Variants in PTPRN2 observed in about 807,000 individuals in gnomAD.
The protein encoded by PTPRN2 is protein tyrosine phosphatase receptor type N2.
In PTPRN2, 74 loss-of-function variants were observed where a neutral mutation model predicts 118.8. The observed-to-expected ratio is 0.62, with a 90% CI of 0.52 to 0.76. The LOEUF (loss-of-function observed/expected upper bound fraction) is 0.76. Among genes scored for constraint, PTPRN2 ranks in the 30% least tolerant of loss-of-function variants. The pLI, the probability that PTPRN2 is intolerant of heterozygous loss-of-function variation, is 0.00. For synonymous variants in PTPRN2, 641 were observed against 608.0 expected (o/e 1.05, Z -0.80); for missense variants, 1,481 against 1,394.4 (o/e 1.06, Z -0.99).
chr7:158,413,079 C>A (rs995548806), intron 2 of PTPRN2, among the ~76,000 whole-genome samples: 1 of 150,770 alleles, frequency 6.6e-6, no homozygotes, highest in Non-Finnish European at 1.5e-5. Context: ...CCCGTCTCAG[C>A]GCCCTCCTCA....
At chr7:158,249,128 ACAC>A (rs569521739) in intron 3 of PTPRN2, among the ~76,000 whole-genome samples, 297 of 151,868 alleles carry the variant, frequency 2.0e-3, no homozygotes, top group Admixed American at 3.1e-3. Flanking sequence ...CATGCCACAC[ACAC>A]CACACGTGAA....
rs1394948849 is a variant in PTPRN2, at chr7:158,509,606, A to G, written c.113-19821T>C. Among the ~76,000 whole-genome samples the G allele has an allele frequency of 6.6e-6, 1 of 152,222 alleles. No individual in the cohort carries two copies. The highest frequency in any genetic ancestry group is 2.4e-5 in the African/African-American group (1 of 41,456). ...CAGATGCGTAGTCACCCCAAAGCCC[A>G]TCTGCTTTGTTCCGGGATCCCCCAG... is the stretch of plus-strand genomic sequence containing the variant. On this transcript the variant is annotated intron_variant, in intron 1 of 22. Transcript: ENST00000389418. The surrounding 1 kb of genome is among the most constrained non-coding windows in gnomAD (Gnocchi z 4.4).
At position 157,787,150 on chromosome 7, in the gene PTPRN2, C is replaced by T. The variant is rs1392868391; in HGVS notation, c.1789-104213G>A. On this transcript the variant is annotated intron_variant, in intron 12 of 22. Transcript: ENST00000389418. The surrounding 1 kb of genome is among the most constrained non-coding windows in gnomAD (Gnocchi z 5.3). ...GACGCGGGGGTGGCTGCCCGGGAGG[C>T]GGACGCGGGTGCGGCGGGGGACGCG... 7.4e-6 allele frequency among the ~76,000 whole-genome samples: 1 copy of T among 135,940 alleles called. No individual in the cohort carries two copies. Among genetic ancestry groups the T allele is most frequent in the Non-Finnish European group, 1.6e-5 (1 of 63,104 alleles). The allele number at this position is 135,940 out of a possible 152,430, so 89.2% of individuals were successfully genotyped here. A position where few individuals can be genotyped will look rare whatever the true frequency, so the allele number is the denominator to read the frequency against.
At chr7:158,171,258 TATATACACAC>T (rs1255429966) in intron 5 of PTPRN2, among the ~76,000 whole-genome samples, 26 of 112,862 alleles carry the variant, frequency 2.3e-4, no homozygotes, top group African/African-American at 8.2e-4. Context: ...TACACACATA[TATATACACAC>T]ATATATACAC....
intron 12 of PTPRN2, among the ~76,000 whole-genome samples, chr7:157,810,442 C>T (rs1042836673): frequency 6.1e-5 from 9 of 148,034 alleles, no homozygotes; most frequent in African/African-American, 1.3e-4. Context: ...ACGGGGACGG[C>T]GGGGCTGCTG....
At chr7:158,151,927 A>G (rs113234840) in intron 6 of PTPRN2, among the ~76,000 whole-genome samples, 2,453 of 152,076 alleles carry the variant, frequency 0.016, 57 homozygotes, top group East Asian at 0.059. Flanking sequence ...TAATCCCAGC[A>G]CTTTGGGAGG....
intron 2 of PTPRN2, among the ~76,000 whole-genome samples, chr7:158,363,471 G>T (rs2151297495): frequency 6.6e-6 from 1 of 152,292 alleles, no homozygotes; most frequent in African/African-American, 2.4e-5. Flanking sequence ...TTCATTCTCT[G>T]ACCAGAGAGG....
At chr7:158,029,294 C>A (rs1807519268) in intron 11 of PTPRN2, 1 of 152,264 alleles carries the variant, frequency 6.6e-6, no homozygotes, top group African/African-American at 2.4e-5. Flanking sequence ...GGTTCATATC[C>A]TGTCCTCTGT....
At chr7:158,344,538 T>A (rs1228490733) in intron 2 of PTPRN2, among the ~76,000 whole-genome samples, 1 of 151,704 alleles carries the variant, frequency 6.6e-6, no homozygotes, top group Non-Finnish European at 1.5e-5. Flanking sequence ...CACCCTGGAG[T>A]CTGGGCTGAA....
rs1491213762 is a variant in PTPRN2 at position 157,691,067 on chromosome 7, T to TA, written c.1789-8131_1789-8130insT. Among the ~76,000 whole-genome samples, 29 of 44,488 alleles carry TA rather than the reference T, an allele frequency of 6.5e-4. 3 individuals are homozygous for TA. In the South Asian group the frequency reaches 0.013, roughly 21 times the overall value. The allele number at this position is 44,488 out of a possible 152,430, so 29.2% of individuals were successfully genotyped here. A position where few individuals can be genotyped will look rare whatever the true frequency, so the allele number is the denominator to read the frequency against. On this transcript the variant is annotated intron_variant, in intron 12 of 22. Coordinates refer to ENST00000389418, the MANE Select transcript of PTPRN2 (RefSeq NM_002847.5). ...CCAGCCACCGGTTGCTATAGCGATG[T>TA]CCCCCCCCCCCCCCACATGTTGCTG... is the stretch of plus-strand genomic sequence containing the variant.
chr7:158,180,283 G>GT (rs1373598324), intron 5 of PTPRN2, among the ~76,000 whole-genome samples: 1 of 152,224 alleles, frequency 6.6e-6, no homozygotes, highest in African/African-American at 2.4e-5. Flanking sequence ...TCAGTTGGTT[G>GT]TAAGTGTTTG....
intron 12 of PTPRN2, among the ~76,000 whole-genome samples, chr7:157,892,665 G>A (rs77272318): frequency 0.03 from 4,567 of 152,038 alleles, 222 homozygotes; most frequent in African/African-American, 0.1. Flanking sequence ...AATCAGAATC[G>A]TCAAATTCAG....
intron 12 of PTPRN2, among the ~76,000 whole-genome samples, chr7:157,872,525 C>T (rs534624178): frequency 5.3e-5 from 8 of 152,314 alleles, no homozygotes; most frequent in East Asian, 1.9e-4. Context: ...CCAGTGCCTC[C>T]GCACACATGG....
At chr7:157,577,442 C>A (rs949516510) in intron 18 of PTPRN2, among the ~76,000 whole-genome samples, 1 of 152,164 alleles carries the variant, frequency 6.6e-6, no homozygotes, top group Non-Finnish European at 1.5e-5. Flanking sequence ...TAATCACCCA[C>A]GTTTATTTAG....
chr7:157,824,000 A>T (rs1485021928), intron 12 of PTPRN2, among the ~76,000 whole-genome samples: 1 of 152,194 alleles, frequency 6.6e-6, no homozygotes. Flanking sequence ...AGATGAGCAG[A>T]TGGACTGGCT....
At chr7:158,334,749 C>T (rs367714236) in intron 2 of PTPRN2, among the ~76,000 whole-genome samples, 1,890 of 42,310 alleles carry the variant, frequency 0.045, no homozygotes, top group African/African-American at 0.12. Flanking sequence ...TAAGAGGTGA[C>T]GCCCGCAGAC....
Position 157,589,038 on chromosome 7 carries a change from G to A in PTPRN2, c.2496+6200C>T, listed in dbSNP as rs118122164. ...AGGGCCTTCCCACCGTTCTACAACC[G>A]TCACCGTCACCACGCTCTTCAGAGC... On this transcript the variant is annotated intron_variant, in intron 17 of 22. Coordinates refer to ENST00000389418, the MANE Select transcript of PTPRN2 (RefSeq NM_002847.5). Among the ~76,000 whole-genome samples the A allele has an allele frequency of 3.4e-3, 521 of 152,214 alleles. 1 individual carries two copies. Among genetic ancestry groups the A allele is most frequent in the Non-Finnish European group, 5.2e-3 (351 of 68,006 alleles).
At chr7:158,178,150 T>C (rs1236409236) in intron 5 of PTPRN2, among the ~76,000 whole-genome samples, 1 of 152,238 alleles carries the variant, frequency 6.6e-6, no homozygotes, top group Admixed American at 6.5e-5. Context: ...TCACATTAAA[T>C]TGTCACTCAT....
At chr7:157,983,699 G>A (rs1340390090) in intron 11 of PTPRN2, among the ~76,000 whole-genome samples, 1 of 152,226 alleles carries the variant, frequency 6.6e-6, no homozygotes, top group African/African-American at 2.4e-5. Context: ...TGTGAGTGTA[G>A]GCTTGAGACC....
Sources: gnomAD v4.1 joint callset for allele counts (sites outside exome capture counted in the v4.1 genomes callset) on GRCh38, gnomAD v4.1.1 for gene constraint, Gnocchi (gnomAD v3.1) non-coding constraint, MANE v1.5 for transcripts, NCBI Gene and HGNC (gene_info 2026-07-23, HGNC 2026-07-21) for gene names.